STXBP5L: variants seen among roughly 807,000 people sequenced by gnomAD.
The protein encoded by STXBP5L is syntaxin-binding protein 5-like.
STXBP5L carries 65 observed loss-of-function variants against 144.5 expected under a neutral mutation model. That is an observed-to-expected ratio of 0.45 (90% CI 0.37 to 0.55). The LOEUF is 0.55. Among genes scored for constraint, STXBP5L ranks in the 20% least tolerant of loss-of-function variants. The pLI is 0.00. For synonymous variants in STXBP5L, 505 were observed against 469.6 expected (o/e 1.08, Z -0.97); for missense variants, 1,298 against 1,405.5 (o/e 0.92, Z 1.22).
chr3:121,157,492 T>C lies in STXBP5L; in HGVS notation c.754-12T>C, dbSNP rs1373321530. Reference sequence around the variant, plus strand: ...TTTCCCCCTCTACTTGTTTTAATTGTTATTTTATTAGGCTATTCATTCAAT... The same window carrying C: ...TTTCCCCCTCTACTTGTTTTAATTGCTATTTTATTAGGCTATTCATTCAAT... On this transcript the variant is annotated splice_polypyrimidine_tract_variant and intron_variant, in intron 8 of 26. Transcript: ENST00000471454. 6.4e-7 allele frequency: 1 copy of C among 1,562,898 alleles called. No homozygotes were observed. Among genetic ancestry groups the C allele is most frequent in the Admixed American group, 2.2e-5 (1 of 46,416 alleles).
At chr3:121,258,094 T>A (rs1337716403) in intron 17 of STXBP5L, among the ~76,000 whole-genome samples, 1 of 152,322 alleles carries the variant, frequency 6.6e-6, no homozygotes, top group African/African-American at 2.4e-5. Context: ...TTTTTAAAAC[T>A]ATTTATTAAT....
chr3:120,979,403 G>A (rs940207139), intron 3 of STXBP5L, among the ~76,000 whole-genome samples: 1 of 152,236 alleles, frequency 6.6e-6, no homozygotes, highest in African/African-American at 2.4e-5. Flanking sequence ...TGTCGGAAAA[G>A]CGCAGTATTA....
intron 19 of STXBP5L, among the ~76,000 whole-genome samples, chr3:121,305,657 T>A (rs1390254907): frequency 6.6e-6 from 1 of 152,110 alleles, no homozygotes; most frequent in Admixed American, 6.5e-5. Flanking sequence ...CTCAATAGAA[T>A]AAACCGTACT....
intron 2 of STXBP5L, among the ~76,000 whole-genome samples, chr3:120,951,710 C>T (rs1392755118): frequency 2.0e-5 from 3 of 151,840 alleles, no homozygotes; most frequent in East Asian, 1.9e-4. Context: ...GTTGTTGGGA[C>T]TGTAAACTAG....
chr3:121,107,177 C>A (rs1388188808), intron 5 of STXBP5L, among the ~76,000 whole-genome samples: 2 of 151,500 alleles, frequency 1.3e-5, no homozygotes, highest in Admixed American at 1.3e-4. Context: ...CAAAAATTTT[C>A]TCCCATTAGT....
chr3:121,045,351 CAT>C (rs1947440976), intron 4 of STXBP5L, 82 bp from the exon 5 acceptor site: 1 of 1,235,158 alleles, frequency 8.1e-7, no homozygotes, highest in Non-Finnish European at 1.1e-6. Context: ...AGGTAGTAAA[CAT>C]TGAGTAAATT....
At chr3:121,210,205 T>C (rs563736764) in intron 10 of STXBP5L, among the ~76,000 whole-genome samples, 1 of 152,366 alleles carries the variant, frequency 6.6e-6, no homozygotes, top group South Asian at 2.1e-4. Context: ...CATTTTTTCA[T>C]GTGTCTTTTG....
intron 19 of STXBP5L, among the ~76,000 whole-genome samples, chr3:121,284,737 A>G (rs546948572): frequency 6.6e-6 from 1 of 152,208 alleles, no homozygotes; most frequent in South Asian, 2.1e-4. Context: ...TTGCAAAAGT[A>G]ATCATAGTTT....
chr3:120,962,235 A>T (rs9844215), intron 3 of STXBP5L, among the ~76,000 whole-genome samples: 20 of 152,166 alleles, frequency 1.3e-4, no homozygotes, highest in African/African-American at 4.6e-4. Flanking sequence ...TTGCCTGTTC[A>T]TTCTGATGGT....
intron 5 of STXBP5L, among the ~76,000 whole-genome samples, chr3:121,072,772 A>G (rs982993290): frequency 6.6e-6 from 1 of 152,048 alleles, no homozygotes; most frequent in African/African-American, 2.4e-5. Flanking sequence ...TTTGCAATGG[A>G]TGACTGCTAC....
intron 20 of STXBP5L, among the ~76,000 whole-genome samples, chr3:121,352,227 A>T (rs2045317184): frequency 6.6e-6 from 1 of 152,126 alleles, no homozygotes; most frequent in South Asian, 2.1e-4. Context: ...GAAGAAAGTC[A>T]TTGGTAGCTT....
At chr3:120,915,336 A>C (rs1243573102) in intron 2 of STXBP5L, among the ~76,000 whole-genome samples, 1 of 152,128 alleles carries the variant, frequency 6.6e-6, no homozygotes, top group African/African-American at 2.4e-5. Context: ...GATTAAGTTC[A>C]TATTTACTTT....
intron 9 of STXBP5L, among the ~76,000 whole-genome samples, chr3:121,164,039 T>C (rs545257195): frequency 8.5e-5 from 13 of 152,312 alleles, no homozygotes; most frequent in African/African-American, 3.1e-4. Flanking sequence ...ACAATTCTTT[T>C]AATCGTTTAA....
rs560856464 is a variant in STXBP5L, at chr3:121,092,169, T to G, written c.471-22756T>G. Among the ~76,000 whole-genome samples, 283 of 152,324 alleles carry G rather than the reference T, an allele frequency of 1.9e-3. 1 individual carries two copies. Among genetic ancestry groups the G allele is most frequent in the Middle Eastern group, 6.8e-3 (2 of 294 alleles). On this transcript the variant is annotated intron_variant, in intron 5 of 26. Coordinates refer to ENST00000471454, the MANE Select transcript of STXBP5L (RefSeq NM_001308330.2). ...ACCAGTACCATGCTGTTTTGGTTAC[T>G]GTAGCCTTGTAGTATAGTTTGAAGT... is the stretch of plus-strand genomic sequence containing the variant.
At chr3:121,025,408 G>A (rs965408511) in intron 3 of STXBP5L, among the ~76,000 whole-genome samples, 1 of 151,858 alleles carries the variant, frequency 6.6e-6, no homozygotes, top group East Asian at 1.9e-4. Context: ...ATATAAGTGG[G>A]TTTTCTCTAA....
chr3:121,230,971 A>G (rs188417659), intron 11 of STXBP5L, among the ~76,000 whole-genome samples: 16 of 152,290 alleles, frequency 1.1e-4, no homozygotes, highest in African/African-American at 2.9e-4. Flanking sequence ...TCTTTTCTAC[A>G]TTAGATTACC....
rs147199315 is a variant in STXBP5L at position 121,018,924 on chromosome 3, G to A, written c.288-22776G>A. Among the ~76,000 whole-genome samples, 691 of 152,322 alleles carry A rather than the reference G, an allele frequency of 4.5e-3. 4 individuals carry two copies. Among genetic ancestry groups the A allele is most frequent in the African/African-American group, 0.016 (659 of 41,588 alleles). On this transcript the variant is annotated intron_variant, in intron 3 of 26. Transcript: ENST00000471454. ...GCTGCAGGCTCTATGGGACAGCCAA[G>A]AAACCGTGAGCCTGCTTGCTTTCTC...
intron 7 of STXBP5L, among the ~76,000 whole-genome samples, chr3:121,147,256 T>C (rs1264221366): frequency 6.6e-6 from 1 of 152,078 alleles, no homozygotes; most frequent in Admixed American, 6.6e-5. Context: ...TAATACACAA[T>C]ATGTTCTCTA....
chr3:120,943,723 A>G (rs1412203800), intron 2 of STXBP5L, among the ~76,000 whole-genome samples: 4 of 151,686 alleles, frequency 2.6e-5, no homozygotes, highest in Non-Finnish European at 5.9e-5. Context: ...ACTATATTCA[A>G]AATAGCCCTT....
Sources: gnomAD v4.1 joint callset for allele counts (sites outside exome capture counted in the v4.1 genomes callset) on GRCh38, gnomAD v4.1.1 for gene constraint, MANE v1.5 for transcripts, NCBI Gene and HGNC (gene_info 2026-07-23, HGNC 2026-07-21) for gene names.